Variants in C6orf132 observed in about 807,000 individuals in gnomAD.
C6orf132 encodes the protein uncharacterized protein C6orf132.
Under a neutral mutation model 65.3 loss-of-function variants are expected in C6orf132, and 43 were observed. That is an observed-to-expected ratio of 0.66 (90% CI 0.52 to 0.85). C6orf132 has a LOEUF of 0.85. C6orf132 is among the 40% of genes least tolerant of loss of function. The pLI, the probability that C6orf132 is intolerant of heterozygous loss-of-function variation, is 0.00. For synonymous variants in C6orf132, 631 were observed against 654.1 expected (o/e 0.96, Z 0.54); for missense variants, 1,488 against 1,548.8 (o/e 0.96, Z 0.66).
intron 2 of C6orf132, among the ~76,000 whole-genome samples, chr6:42,115,135 C>T (rs895551306): frequency 6.7e-6 from 1 of 149,734 alleles, no homozygotes; most frequent in African/African-American, 2.5e-5. Context: ...ACTAAAAATA[C>T]AAAAATTAGC....
At position 42,142,549 on chromosome 6, in the gene C6orf132, A is replaced by T; in HGVS notation, c.-105T>A. Reference sequence around the variant, plus strand: ...TCTCCCCAGGGGACTCTACCAGGCCATGTCCCCCGCCGTCCTCCCCGCCCG... The same window carrying T: ...TCTCCCCAGGGGACTCTACCAGGCCTTGTCCCCCGCCGTCCTCCCCGCCCG... On this transcript the variant is annotated 5_prime_UTR_variant, in exon 1 of 5. The change abolishes an upstream ATG in the 5' untranslated region. Coordinates refer to ENST00000341865, the MANE Select transcript of C6orf132 (RefSeq NM_001164446.3). 1.4e-5 allele frequency: 12 copies of T among 869,478 alleles called. No homozygotes were observed. The highest frequency in any genetic ancestry group is 1.6e-5 in the Non-Finnish European group (11 of 669,286). 53.9% of individuals were successfully genotyped at this position (869,478 alleles called of 1,614,324 possible).
chr6:42,131,340 C>T (rs1766850560), intron 1 of C6orf132, among the ~76,000 whole-genome samples: 1 of 152,228 alleles, frequency 6.6e-6, no homozygotes, highest in Admixed American at 6.6e-5. Flanking sequence ...CTTTAATGGT[C>T]TGGGCACTGT....
At chr6:42,129,746 G>T (rs1408889502) in intron 1 of C6orf132, among the ~76,000 whole-genome samples, 1 of 152,200 alleles carries the variant, frequency 6.6e-6, no homozygotes, top group African/African-American at 2.4e-5. Context: ...CTGCTATGTG[G>T]CTCATGAGCA....
intron 3 of C6orf132, among the ~76,000 whole-genome samples, chr6:42,109,184 G>A (rs774223385): frequency 1.1e-4 from 17 of 152,052 alleles, no homozygotes; most frequent in Non-Finnish European, 4.4e-5. Flanking sequence ...CCTGTAATCC[G>A]AGCACTTTAG....
intron 2 of C6orf132, among the ~76,000 whole-genome samples, chr6:42,110,992 C>T (rs1417869537): frequency 2.0e-5 from 3 of 152,182 alleles, no homozygotes; most frequent in African/African-American, 7.2e-5. Flanking sequence ...AAAGACAAAA[C>T]AAACAAATAG....
intron 2 of C6orf132, among the ~76,000 whole-genome samples, chr6:42,128,073 T>C (rs559737357): frequency 0.011 from 1,616 of 150,836 alleles, 36 homozygotes; most frequent in African/African-American, 0.036. Flanking sequence ...TACAGGTGCT[T>C]GCCACTACAC....
intron 3 of C6orf132, among the ~76,000 whole-genome samples, chr6:42,108,896 C>A (rs935232121): frequency 1.3e-5 from 2 of 152,066 alleles, no homozygotes; most frequent in Non-Finnish European, 2.9e-5. Context: ...ACTGAAGAAA[C>A]CAAGAGTGGG....
chr6:42,113,843 A>G (rs997952321), intron 2 of C6orf132, among the ~76,000 whole-genome samples: 1 of 152,078 alleles, frequency 6.6e-6, no homozygotes, highest in South Asian at 2.1e-4. Flanking sequence ...AAGAAAGAAA[A>G]AAAAAGAAAA....
intron 2 of C6orf132, among the ~76,000 whole-genome samples, chr6:42,121,290 T>C (rs183455194): frequency 6.6e-5 from 10 of 152,340 alleles, no homozygotes; most frequent in Admixed American, 3.3e-4. Flanking sequence ...AAATGGGTTC[T>C]TCCCCATGGT....
At chr6:42,136,132 A>T (rs931333658) in intron 1 of C6orf132, among the ~76,000 whole-genome samples, 7 of 145,816 alleles carry the variant, frequency 4.8e-5, no homozygotes, top group Admixed American at 2.8e-4. Flanking sequence ...AATAATAAAA[A>T]AAAAATAAAA....
rs1767041387 is a variant in C6orf132 at position 42,141,995 on chromosome 6, G to A, written c.145+305C>T. Reference sequence around the variant, plus strand: ...TCCGCTAACAGTAACACAAGCATAGGATTCGCCAAGAGGGGGAATTAAACA... The same window carrying A: ...TCCGCTAACAGTAACACAAGCATAGAATTCGCCAAGAGGGGGAATTAAACA... On this transcript the variant is annotated intron_variant, in intron 1 of 4. Coordinates refer to ENST00000341865, the MANE Select transcript of C6orf132 (RefSeq NM_001164446.3). 2.0e-5 allele frequency among the ~76,000 whole-genome samples: 3 copies of A among 152,096 alleles called. No homozygotes were observed. In the South Asian group the frequency reaches 6.2e-4, roughly 32 times the overall value.
chr6:42,135,560 G>A (rs945960523), intron 1 of C6orf132, among the ~76,000 whole-genome samples: 1 of 152,190 alleles, frequency 6.6e-6, no homozygotes, highest in African/African-American at 2.4e-5. Flanking sequence ...GGGTTGGAAG[G>A]AATGTTCTTC....
intron 2 of C6orf132, among the ~76,000 whole-genome samples, chr6:42,113,822 AAAAGAAAAAAAAG>A (rs889878045): frequency 1.1e-4 from 16 of 149,710 alleles, no homozygotes; most frequent in Non-Finnish European, 1.6e-4. Context: ...TCAAAAAAAG[AAAAGAAAAAAAAG>A]AAAGAAAAAA....
intron 1 of C6orf132, 49 bp downstream of exon 1, chr6:42,142,251 C>G (rs1316892229): frequency 6.5e-7 from 1 of 1,531,152 alleles, no homozygotes; most frequent in Non-Finnish European, 8.8e-7. Flanking sequence ...GGCCCTGCCC[C>G]AGCGCCCTCC....
chr6:42,134,338 T>C (rs185832180), intron 1 of C6orf132, among the ~76,000 whole-genome samples: 402 of 152,292 alleles, frequency 2.6e-3, no homozygotes, highest in Non-Finnish European at 5.1e-3. Context: ...TGAGAGAAAG[T>C]GTGCAAAAGT....
chr6:42,122,661 C>A (rs1216918946), intron 2 of C6orf132, among the ~76,000 whole-genome samples: 5 of 152,220 alleles, frequency 3.3e-5, no homozygotes, highest in Admixed American at 6.5e-5. Context: ...GCCTGGCTCA[C>A]CCTACAGAGC....
At chr6:42,122,018 G>A (rs1766693222) in intron 2 of C6orf132, among the ~76,000 whole-genome samples, 1 of 152,204 alleles carries the variant, frequency 6.6e-6, no homozygotes, top group African/African-American at 2.4e-5. Flanking sequence ...GAAAGGCTGT[G>A]TGTATCCTGC....
In C6orf132 at chr6:42,104,774, G is replaced by A; in HGVS notation, c.3138C>T (p.Ala1046=). 1.3e-6 allele frequency: 2 copies of A among 1,507,516 alleles called. No individual in the cohort carries two copies. The highest frequency in any genetic ancestry group is 8.8e-7 in the Non-Finnish European group (1 of 1,134,712). 93.4% of individuals were successfully genotyped at this position (1,507,516 alleles called of 1,614,324 possible). A position where few individuals can be genotyped will look rare whatever the true frequency, so the allele number is the denominator to read the frequency against. ...FSRFPAGARY[A]GAGGLERFSG... is the part of the protein sequence containing the mutation. ...AGAAGCGCTCCAGGCCCCCAGCCCC[G>A]GCGTAGCGCGCGCCCGCGGGAAAGC... is the stretch of plus-strand genomic sequence containing the variant. Residue 1046 remains alanine (A), a synonymous_variant, in exon 4 of 5, where the codon GCC becomes GCT. Transcript: ENST00000341865. The surrounding 1 kb of genome is among the most constrained non-coding windows in gnomAD (Gnocchi z 4.1).
Position 42,105,682 on chromosome 6 carries a change from G to A in C6orf132, c.2230C>T (p.Pro744Ser), listed in dbSNP as rs1019086883. The A allele has an allele frequency of 1.3e-6, 2 of 1,537,182 alleles. No homozygotes were observed. Among genetic ancestry groups the A allele is most frequent in the African/African-American group, 2.7e-5 (2 of 73,080 alleles). ...GCAGATGAGCGGGCTCCCTGTGTGG[G>A]CAGCCTAGTGGCCTCTGAGGGGGAC... ...EGSPSEATRL[P>S]TQGARSSAAF... Residue 744 changes from proline (P) to serine (S), a missense_variant, in exon 4 of 5, where the codon CCC becomes TCC. By Grantham distance (74) the Pro-to-Ser change is moderately conservative (BLOSUM62 -1). Coordinates refer to ENST00000341865, the MANE Select transcript of C6orf132 (RefSeq NM_001164446.3).
Sources: allele counts gnomAD v4.1 joint callset (sites outside exome capture counted in the v4.1 genomes callset), GRCh38; gene constraint gnomAD v4.1.1; non-coding constraint Gnocchi (gnomAD v3.1); transcripts MANE v1.5; gene names NCBI Gene and HGNC (gene_info 2026-07-23, HGNC 2026-07-21).